Variants in BICRAL observed in about 807,000 individuals in gnomAD.
The protein encoded by BICRAL is BICRA like chromatin remodeling complex associated protein, also known as BRD4-interacting chromatin-remodeling complex-associated protein-like.
A neutral mutation model predicts 91.8 loss-of-function variants in BICRAL; 8 were observed. The ratio of observed to expected loss-of-function variants is 0.09; its 90% CI spans 0.05 to 0.16. The LOEUF is 0.16. Ranked by LOEUF, BICRAL falls within the 10% of genes least tolerant of loss-of-function variation. BICRAL has a pLI of 1.00. For missense variants in BICRAL, 1,038 were observed against 1,310.9 expected (o/e 0.79, Z 3.21); for synonymous variants, 445 against 491.1 (o/e 0.91, Z 1.24).
intron 6 of BICRAL, among the ~76,000 whole-genome samples, chr6:42,831,726 C>T (rs945039476): frequency 2.0e-5 from 3 of 149,852 alleles, no homozygotes; most frequent in Admixed American, 1.3e-4. Context: ...TGTTTATATA[C>T]GTCAACATAT....
intron 2 of BICRAL, among the ~76,000 whole-genome samples, chr6:42,818,121 A>G (rs1764048072): frequency 6.6e-6 from 1 of 152,172 alleles, no homozygotes; most frequent in Non-Finnish European, 1.5e-5. Context: ...GTATCCTGTC[A>G]GTGTATAAAA....
chr6:42,855,593 A>G (rs1407523557), intron 8 of BICRAL, among the ~76,000 whole-genome samples: 1 of 152,068 alleles, frequency 6.6e-6, no homozygotes, highest in Non-Finnish European at 1.5e-5. Context: ...GAGAGGAGGT[A>G]GGCATTCAGG....
At chr6:42,801,157 CAG>C (rs922684447) in intron 1 of BICRAL, among the ~76,000 whole-genome samples, 19 of 148,912 alleles carry the variant, frequency 1.3e-4, no homozygotes, top group Non-Finnish European at 2.1e-4. Context: ...GAGGCTAAAA[CAG>C]GGGAATTGCT....
chr6:42,856,598 T>C (rs919836700), intron 9 of BICRAL, among the ~76,000 whole-genome samples: 21 of 152,104 alleles, frequency 1.4e-4, no homozygotes, highest in Admixed American at 1.2e-3. Flanking sequence ...GGTCTTGAAC[T>C]CCTGACCTCA....
intron 1 of BICRAL, among the ~76,000 whole-genome samples, chr6:42,755,671 C>CTT (rs1038106194): frequency 5.0e-5 from 7 of 140,642 alleles, no homozygotes; most frequent in South Asian, 2.3e-4. Context: ...TCACCTCTTT[C>CTT]TTTTTTTTTT....
At chr6:42,775,603 A>G (rs1054031806) in intron 1 of BICRAL, among the ~76,000 whole-genome samples, 1 of 152,164 alleles carries the variant, frequency 6.6e-6, no homozygotes. Context: ...AACATATTCT[A>G]TGGGGAAACA....
intron 2 of BICRAL, among the ~76,000 whole-genome samples, chr6:42,816,907 G>A (rs1038961644): frequency 3.3e-5 from 5 of 151,668 alleles, no homozygotes; most frequent in East Asian, 2.0e-4. Flanking sequence ...CCAGCTACTC[G>A]GGAGGCTGAG....
intron 5 of BICRAL, 58 bp downstream of exon 5, chr6:42,823,061 T>G: frequency 1.0e-6 from 1 of 981,692 alleles, no homozygotes; most frequent in Non-Finnish European, 1.6e-6. Flanking sequence ...TGATGCCTTG[T>G]GAACTGAGCC....
At chr6:42,789,328 A>G (rs758846106) in intron 1 of BICRAL, among the ~76,000 whole-genome samples, 3 of 152,188 alleles carry the variant, frequency 2.0e-5, no homozygotes, top group Non-Finnish European at 2.9e-5. Context: ...TGTAAATCTT[A>G]CATATATTTT....
rs753348064 is a variant in BICRAL, at chr6:42,857,263, C to T, written c.2254+27C>T. ...TAAGCAGGCTGGGACCCTAAGGCAC[C>T]ACTCTGATACCAGGAAACCCTCCAT... On this transcript the variant is annotated intron_variant, in intron 10 of 12. Coordinates refer to ENST00000314073, the MANE Select transcript of BICRAL (RefSeq NM_001393499.1). The T allele has an allele frequency of 6.3e-6, 10 of 1,586,228 alleles. No individual in the cohort carries two copies. In the East Asian group the frequency reaches 1.6e-4, roughly 25 times the overall value.
chr6:42,852,525 G>A (rs1490453531), intron 7 of BICRAL: 1 of 415,148 alleles, frequency 2.4e-6, no homozygotes, highest in East Asian at 6.6e-5. Context: ...AGCCAGGCAT[G>A]GTGGCACACG....
At position 42,756,899 on chromosome 6, in the gene BICRAL, TC is replaced by T. The variant is rs1582798825; in HGVS notation, c.-261+9877del. 1.3e-4 allele frequency among the ~76,000 whole-genome samples: 18 copies of T among 134,590 alleles called. 2 individuals are homozygous for T. The highest frequency in any genetic ancestry group is 1.4e-4 in the Non-Finnish European group (9 of 62,768). The allele number at this position is 134,590 out of a possible 152,430, so 88.3% of individuals were successfully genotyped here. On this transcript the variant is annotated intron_variant, in intron 1 of 14. Transcript: ENST00000614467. ...CTCGCGCGCGCGCTCTCTCTCTCTCTCTCTCTCTCTCTCTCCCTCTCCCCCC... is the reference window on the plus strand; with the variant it reads ...CTCGCGCGCGCGCTCTCTCTCTCTCTTCTCTCTCTCTCTCCCTCTCCCCCC...
chr6:42,800,530 C>G (rs1427337980), intron 1 of BICRAL, among the ~76,000 whole-genome samples: 2 of 150,794 alleles, frequency 1.3e-5, no homozygotes, highest in African/African-American at 4.9e-5. Context: ...TGATTTTGTC[C>G]ACACATTTTT....
intron 1 of BICRAL, among the ~76,000 whole-genome samples, chr6:42,774,202 C>G (rs916586354): frequency 6.6e-6 from 1 of 152,116 alleles, no homozygotes; most frequent in African/African-American, 2.4e-5. Context: ...CCTTGAGGCC[C>G]ATTCTTTAGT....
intron 1 of BICRAL, among the ~76,000 whole-genome samples, chr6:42,756,894 C>T (rs1762469158): frequency 2.1e-5 from 2 of 94,234 alleles, no homozygotes; most frequent in Admixed American, 1.0e-4. Context: ...CGCTCTCTCT[C>T]TCTCTCTCTC....
chr6:42,865,484 A>ACCCCGAGACCCCG lies in BICRAL; in HGVS notation c.*50_*51insGCCCCGAGACCCC. ...TCCCCCTACCCCGCCCCGAGACCCC[A>ACCCCGAGACCCCG]CCCCGAGACCCCACCCCGGACCAGT... On this transcript the variant is annotated 3_prime_UTR_variant, in exon 13 of 13. Transcript: ENST00000314073. The ACCCCGAGACCCCG allele has an allele frequency of 1.2e-6, 1 of 832,494 alleles. No individual in the cohort carries two copies. Among genetic ancestry groups the ACCCCGAGACCCCG allele is most frequent in the Non-Finnish European group, 1.7e-6 (1 of 601,858 alleles). 51.6% of individuals were successfully genotyped at this position (832,494 alleles called of 1,614,324 possible). A position where few individuals can be genotyped will look rare whatever the true frequency, so the allele number is the denominator to read the frequency against.
intron 1 of BICRAL, among the ~76,000 whole-genome samples, chr6:42,798,789 T>G (rs1219127691): frequency 6.6e-6 from 1 of 152,240 alleles, no homozygotes; most frequent in African/African-American, 2.4e-5. Flanking sequence ...TTAATTTTTA[T>G]TTTTTATTAC....
At chr6:42,811,851 G>C (rs542156687) in intron 2 of BICRAL, among the ~76,000 whole-genome samples, 109 of 152,278 alleles carry the variant, frequency 7.2e-4, no homozygotes, top group African/African-American at 2.5e-3. Context: ...AAAAACCCTT[G>C]TAATTCATGG....
intron 6 of BICRAL, among the ~76,000 whole-genome samples, chr6:42,843,107 G>A (rs145742439): frequency 0.011 from 1,725 of 152,006 alleles, 18 homozygotes; most frequent in Non-Finnish European, 0.019. Flanking sequence ...TGCCTGCCTC[G>A]GCCTCCCAAA....
Sources: allele counts gnomAD v4.1 joint callset (sites outside exome capture counted in the v4.1 genomes callset), GRCh38; gene constraint gnomAD v4.1.1; transcripts MANE v1.5; gene names NCBI Gene and HGNC (gene_info 2026-07-23, HGNC 2026-07-21).